The following ANKS1B variants were observed in gnomAD, a reference collection of about 807,000 sequenced individuals.
The protein encoded by ANKS1B is ankyrin repeat and sterile alpha motif domain containing 1B.
ANKS1B carries 36 observed loss-of-function variants against 148.3 expected under a neutral mutation model. That is an observed-to-expected ratio of 0.24 (90% CI 0.19 to 0.32). ANKS1B has a LOEUF of 0.32. Among genes scored for constraint, ANKS1B ranks in the 10% least tolerant of loss-of-function variants. ANKS1B has a pLI of 1.00. For synonymous variants in ANKS1B, 542 were observed against 560.8 expected (o/e 0.97, Z 0.47); for missense variants, 1,157 against 1,542.6 (o/e 0.75, Z 4.19).
chr12:99,512,166 T>C (rs1348370997), intron 9 of ANKS1B, among the ~76,000 whole-genome samples: 2 of 152,108 alleles, frequency 1.3e-5, no homozygotes, highest in Admixed American at 6.6e-5. Flanking sequence ...TCTATCCATC[T>C]GACAAAAGTC....
At chr12:99,876,448 C>A (rs898049150) in intron 1 of ANKS1B, among the ~76,000 whole-genome samples, 1 of 152,086 alleles carries the variant, frequency 6.6e-6, no homozygotes, top group Non-Finnish European at 1.5e-5. Context: ...AGAGGCCAGG[C>A]GCAGTGGCTC....
chr12:98,776,299 T>C (rs2153493377), intron 24 of ANKS1B, among the ~76,000 whole-genome samples: 1 of 152,328 alleles, frequency 6.6e-6, no homozygotes, highest in East Asian at 1.9e-4. Context: ...TTCCACAAAT[T>C]AAAAAGTGAT....
At chr12:99,574,137 G>T (rs1171029471) in intron 9 of ANKS1B, among the ~76,000 whole-genome samples, 1 of 151,914 alleles carries the variant, frequency 6.6e-6, no homozygotes. Flanking sequence ...TTCTCTTAAG[G>T]GTCATCTCAG....
At chr12:99,709,490 T>A (rs551740464) in intron 8 of ANKS1B, among the ~76,000 whole-genome samples, 1 of 152,234 alleles carries the variant, frequency 6.6e-6, no homozygotes, top group East Asian at 1.9e-4. Flanking sequence ...ATTTTAATGT[T>A]AATTAAGGCT....
At chr12:98,918,677 T>C (rs2099797570) in intron 17 of ANKS1B, among the ~76,000 whole-genome samples, 1 of 152,224 alleles carries the variant, frequency 6.6e-6, no homozygotes, top group South Asian at 2.1e-4. Context: ...ATAGCACTAA[T>C]TTCCCACGCC....
At chr12:99,433,131 G>C (rs759598747) in intron 11 of ANKS1B, among the ~76,000 whole-genome samples, 1 of 152,124 alleles carries the variant, frequency 6.6e-6, no homozygotes, top group Non-Finnish European at 1.5e-5. Context: ...CAGATGGTAA[G>C]ATTCAAGATA....
intron 16 of ANKS1B, among the ~76,000 whole-genome samples, chr12:99,060,696 C>T (rs866936437): frequency 7.3e-4 from 61 of 83,632 alleles, no homozygotes; most frequent in African/African-American, 2.6e-3. Context: ...CACACACACA[C>T]ACACATATAT....
intron 12 of ANKS1B, among the ~76,000 whole-genome samples, chr12:99,307,665 C>A (rs989790260): frequency 6.6e-6 from 1 of 151,442 alleles, no homozygotes; most frequent in African/African-American, 2.4e-5. Context: ...TGGAAAAACA[C>A]CTGCTTTGTG....
intron 10 of ANKS1B, among the ~76,000 whole-genome samples, chr12:99,449,892 CATCTATCTATCTATCT>C (rs55765630): frequency 0.078 from 11,540 of 147,856 alleles, 486 homozygotes; most frequent in African/African-American, 0.11. Context: ...AGGATCTATC[CATCTATCTATCTATCT>C]ATCTATCTAT....
chr12:98,892,174 T>C (rs2099754081), intron 17 of ANKS1B, among the ~76,000 whole-genome samples: 1 of 152,210 alleles, frequency 6.6e-6, no homozygotes. Context: ...TCCTTGGTGT[T>C]TCTACAGAAT....
intron 9 of ANKS1B, among the ~76,000 whole-genome samples, chr12:99,528,436 A>AAC (rs1448053917): frequency 1.7e-4 from 16 of 96,794 alleles, no homozygotes; most frequent in African/African-American, 6.5e-4. Flanking sequence ...CAAAAACAAA[A>AAC]AAAAAAACAA....
chr12:98,920,243 C>G (rs2099799678), intron 17 of ANKS1B, among the ~76,000 whole-genome samples: 1 of 152,218 alleles, frequency 6.6e-6, no homozygotes, highest in Non-Finnish European at 1.5e-5. Context: ...AAGGCACTTT[C>G]AGATGTGTTC....
chr12:99,972,891 AATGCTTATTTACC>A (rs1440632143), intron 1 of ANKS1B, among the ~76,000 whole-genome samples: 1 of 152,178 alleles, frequency 6.6e-6, no homozygotes, highest in East Asian at 1.9e-4. Flanking sequence ...ACTTGAAACC[AATGCTTATTTACC>A]ATTCCAAAAA....
At chr12:99,709,300 T>G (rs2153533450) in intron 8 of ANKS1B, among the ~76,000 whole-genome samples, 1 of 152,290 alleles carries the variant, frequency 6.6e-6, no homozygotes, top group East Asian at 1.9e-4. Context: ...GGTGCTGGAA[T>G]GTACTTCAGT....
rs149854100 is a variant in ANKS1B, at chr12:99,425,745, T to G, written c.1575+17928A>C. Among the ~76,000 whole-genome samples, 769 of 152,094 alleles carry G rather than the reference T, an allele frequency of 5.1e-3. 6 individuals carry two copies. Among genetic ancestry groups the G allele is most frequent in the African/African-American group, 0.018 (740 of 41,562 alleles). On this transcript the variant is annotated intron_variant, in intron 11 of 26. Transcript: ENST00000683438. The stretch of plus-strand genomic sequence containing the variant: ...TTCTTAAATTGGGTATTTATATTGT[T>G]TGTCCATTTTCCTCTGTGGATGTGT...
intron 9 of ANKS1B, 28 bp downstream of exon 9, chr12:99,655,039 T>C (rs373668690): frequency 2.7e-4 from 421 of 1,535,622 alleles, no homozygotes; most frequent in Non-Finnish European, 3.6e-4. Flanking sequence ...TTTTGTTTTA[T>C]TGTACCTTAA....
intron 17 of ANKS1B, among the ~76,000 whole-genome samples, chr12:98,843,218 T>C (rs979195784): frequency 1.3e-5 from 2 of 152,222 alleles, no homozygotes; most frequent in African/African-American, 2.4e-5. Context: ...GGGAGATATC[T>C]GGGTCATGAG....
intron 17 of ANKS1B, among the ~76,000 whole-genome samples, chr12:99,031,601 T>G (rs1197308902): frequency 6.6e-6 from 1 of 152,200 alleles, no homozygotes; most frequent in Non-Finnish European, 1.5e-5. Flanking sequence ...CACATCTCTA[T>G]CATTGCTCCC....
rs150984073 is a variant in ANKS1B at position 99,647,494 on chromosome 12, C to T, written c.1272+7573G>A. Among the ~76,000 whole-genome samples, 462 of 152,280 alleles carry T rather than the reference C, an allele frequency of 3.0e-3. 3 individuals are homozygous for T. The highest frequency in any genetic ancestry group is 9.7e-3 in the African/African-American group (405 of 41,550). On this transcript the variant is annotated intron_variant, in intron 9 of 26. Transcript: ENST00000683438. ...GTATACAGAGAATGTATATTAAACT[C>T]TTGCCTTGCACAGAAAATTTACCTC...
Sources: allele counts gnomAD v4.1 joint callset (sites outside exome capture counted in the v4.1 genomes callset), GRCh38; gene constraint gnomAD v4.1.1; transcripts MANE v1.5; gene names NCBI Gene and HGNC (gene_info 2026-07-23, HGNC 2026-07-21).